SP100: variants seen among roughly 807,000 people sequenced by gnomAD.
SP100 encodes SP100 nuclear body protein.
In SP100, 84 loss-of-function variants were observed where a neutral mutation model predicts 130.0. The ratio of observed to expected loss-of-function variants is 0.65; its 90% CI spans 0.54 to 0.77. The LOEUF (loss-of-function observed/expected upper bound fraction) is 0.77, where lower values mean the gene tolerates loss of function less well. Ranked by LOEUF, SP100 falls within the 30% of genes least tolerant of loss-of-function variation. The probability of loss-of-function intolerance (pLI) is 0.00; values close to 1 mark genes in which losing one functional copy is unlikely to be tolerated. For synonymous variants in SP100, 331 were observed against 351.7 expected (o/e 0.94, Z 0.66); for missense variants, 978 against 1,052.2 (o/e 0.93, Z 0.97).
chr2:230,513,139 G>T (rs542679004), intron 24 of SP100, among the ~76,000 whole-genome samples: 36 of 152,324 alleles, frequency 2.4e-4, no homozygotes, highest in African/African-American at 8.7e-4. Context: ...TATCCCGGAA[G>T]TTGGAAACCC....
At chr2:230,429,754 A>G (rs2063044083) in intron 2 of SP100, among the ~76,000 whole-genome samples, 1 of 151,910 alleles carries the variant, frequency 6.6e-6, no homozygotes, top group Non-Finnish European at 1.5e-5. Context: ...AAAGCTCTCT[A>G]TTAAATTCTT....
chr2:230,541,489 C>A, intron 27 of SP100, 117 bp downstream of exon 27: 1 of 818,546 alleles, frequency 1.2e-6, no homozygotes, highest in Non-Finnish European at 2.0e-6. Flanking sequence ...GTTCAGGCTA[C>A]TATAGAAATT....
Position 230,449,161 on chromosome 2 carries a change from G to T in SP100, c.586+11G>T, listed in dbSNP as rs1375455920. ...CCCCATCTCATGCTGGTTTGTTCCTGTTTACTACTCTTTGAGCCTCTGCTA... is the reference window on the plus strand; with the variant it reads ...CCCCATCTCATGCTGGTTTGTTCCTTTTTACTACTCTTTGAGCCTCTGCTA... On this transcript the variant is annotated intron_variant, in intron 6 of 28. Transcript: ENST00000340126. 1.2e-6 allele frequency: 2 copies of T among 1,613,860 alleles called. No individual in the cohort carries two copies. The highest frequency in any genetic ancestry group is 1.7e-5 in the Admixed American group (1 of 60,014).
intron 25 of SP100, 71 bp from the exon 26 acceptor site, chr2:230,540,805 C>T: frequency 6.5e-7 from 1 of 1,549,612 alleles, no homozygotes; most frequent in African/African-American, 1.4e-5. Context: ...GAGCAGAGGA[C>T]TTGAACAACT....
intron 8 of SP100, among the ~76,000 whole-genome samples, chr2:230,458,090 C>T (rs2064377738): frequency 6.7e-6 from 1 of 150,346 alleles, no homozygotes; most frequent in Non-Finnish European, 1.5e-5. Flanking sequence ...ACACAGTTGA[C>T]CCCTGGACAC....
intron 11 of SP100, among the ~76,000 whole-genome samples, chr2:230,465,919 T>A (rs2064921770): frequency 6.6e-6 from 1 of 151,988 alleles, no homozygotes; most frequent in African/African-American, 2.4e-5. Context: ...GCACGATGGC[T>A]CAGGTCTGTA....
chr2:230,463,840 G>A (rs1575662239), intron 10 of SP100: 1 of 338,070 alleles, frequency 3.0e-6, no homozygotes, highest in Non-Finnish European at 5.5e-6. Context: ...AGAAGCGTGG[G>A]AAAGCAAAGG....
chr2:230,447,269 G>T (rs969293326), intron 5 of SP100, among the ~76,000 whole-genome samples: 1 of 152,188 alleles, frequency 6.6e-6, no homozygotes, highest in Non-Finnish European at 1.5e-5. Flanking sequence ...GGAAAGAAAG[G>T]CTCCTGTTTT....
At chr2:230,465,770 A>G (rs1366814168) in intron 11 of SP100, among the ~76,000 whole-genome samples, 1 of 152,198 alleles carries the variant, frequency 6.6e-6, no homozygotes, top group Non-Finnish European at 1.5e-5. Flanking sequence ...AATTAAAAAG[A>G]GGCATTTCCA....
intron 2 of SP100, among the ~76,000 whole-genome samples, chr2:230,433,315 T>C (rs567180460): frequency 1.3e-5 from 2 of 152,200 alleles, no homozygotes; most frequent in Non-Finnish European, 2.9e-5. Context: ...ACCAAAAACC[T>C]AAGGATTTAT....
chr2:230,465,896 T>G (rs559034109), intron 11 of SP100, among the ~76,000 whole-genome samples: 2 of 152,092 alleles, frequency 1.3e-5, no homozygotes, highest in African/African-American at 4.8e-5. Flanking sequence ...ATCAAAACTT[T>G]GTTATTGGCA....
chr2:230,416,830 C>T (rs1463056728), intron 1 of SP100: 1 of 985,430 alleles, frequency 1.0e-6, no homozygotes, highest in African/African-American at 1.7e-5. Context: ...GGTCTGAGTT[C>T]TTATTCCATC....
At chr2:230,481,884 G>A (rs1255311864) in intron 17 of SP100, among the ~76,000 whole-genome samples, 2 of 152,130 alleles carry the variant, frequency 1.3e-5, no homozygotes, top group Admixed American at 6.5e-5. Flanking sequence ...CTTTTACCTG[G>A]TAAGAATGGT....
chr2:230,511,402 T>C (rs1260870648), intron 24 of SP100, among the ~76,000 whole-genome samples: 1 of 152,150 alleles, frequency 6.6e-6, no homozygotes, highest in African/African-American at 2.4e-5. Flanking sequence ...AAAGTGAGTA[T>C]AGGAGGCTGA....
rs1232588624 is a variant in SP100, at chr2:230,523,285, CTTTG to C, written c.2094+12125_2094+12128del. On this transcript the variant is annotated intron_variant, in intron 24 of 28. Transcript: ENST00000340126. ...AATTCTGAAGTAAAAGCAATTGGAT[CTTTG>C]TTTGTGTGTATACACGTTTAGATGT... Among the ~76,000 whole-genome samples the C allele has an allele frequency of 4.6e-5, 7 of 152,302 alleles. No homozygotes were observed. In the South Asian group the frequency reaches 8.3e-4, roughly 18 times the overall value.
intron 24 of SP100, among the ~76,000 whole-genome samples, chr2:230,534,696 A>G (rs1273498756): frequency 6.6e-6 from 1 of 152,236 alleles, no homozygotes; most frequent in Admixed American, 6.5e-5. Context: ...TTATATTTAT[A>G]TAGATGTGTT....
intron 2 of SP100, among the ~76,000 whole-genome samples, chr2:230,425,270 G>A (rs866180084): frequency 6.6e-6 from 1 of 152,066 alleles, no homozygotes; most frequent in South Asian, 2.1e-4. Flanking sequence ...ATAACTGAAA[G>A]TCTGTGCCCT....
At position 230,443,008 on chromosome 2, in the gene SP100, A is replaced by G; in HGVS notation, c.179A>G (p.Asn60Ser). 1 of 1,614,010 alleles carries G rather than the reference A, an allele frequency of 6.2e-7. No individual in the cohort carries two copies. Among genetic ancestry groups the G allele is most frequent in the Non-Finnish European group, 8.5e-7 (1 of 1,179,846 alleles). Reference protein sequence around the residue: ...YDIVFKHFKRNKVEISNAIKK... With the variant: ...YDIVFKHFKRSKVEISNAIKK... The stretch of plus-strand genomic sequence containing the variant: ...ATTGTATTCAAGCACTTCAAAAGAA[A>G]TAAGGTGGAGATTTCAAATGCAATA... The change falls in exon 3 of 29, where the codon AAT becomes AGT. Residue 60 changes from asparagine to serine, a missense_variant. By Grantham distance (46) the Asn-to-Ser change is conservative. Transcript: ENST00000340126.
At chr2:230,501,791 G>A (rs543979044) in intron 19 of SP100, among the ~76,000 whole-genome samples, 3 of 152,170 alleles carry the variant, frequency 2.0e-5, no homozygotes, top group South Asian at 2.1e-4. Context: ...ACGTTTGAAC[G>A]ATGCAGATCT....
Sources: allele counts gnomAD v4.1 joint callset (sites outside exome capture counted in the v4.1 genomes callset), GRCh38; gene constraint gnomAD v4.1.1; transcripts MANE v1.5; gene names NCBI Gene and HGNC (gene_info 2026-07-23, HGNC 2026-07-21).